Variants in CACNA1C observed in about 807,000 individuals in gnomAD.
CACNA1C encodes calcium voltage-gated channel subunit alpha1 C, also known as voltage-dependent L-type calcium channel subunit alpha-1C.
A neutral mutation model predicts 229.0 loss-of-function variants in CACNA1C; 30 were observed. The observed-to-expected ratio is 0.13, with a 90% CI of 0.10 to 0.18. The LOEUF (loss-of-function observed/expected upper bound fraction) is 0.18, where lower values mean the gene tolerates loss of function less well. Ranked by LOEUF, CACNA1C falls within the 10% of genes least tolerant of loss-of-function variation. The pLI is 1.00. For missense variants in CACNA1C, 1,658 were observed against 2,845.0 expected, an observed-to-expected ratio of 0.58 and a Z score of 9.49; for synonymous variants, 1,114 against 1,132.5, an observed-to-expected ratio of 0.98 and a Z score of 0.33.
At chr12:2,128,411 T>C (rs764508731) in intron 3 of CACNA1C, among the ~76,000 whole-genome samples, 74 of 152,046 alleles carry the variant, frequency 4.9e-4, no homozygotes, top group Non-Finnish European at 9.6e-4. Flanking sequence ...AAATACATTA[T>C]TTTTTTACCT....
intron 5 of CACNA1C, among the ~76,000 whole-genome samples, chr12:2,460,174 T>C (rs976571578): frequency 6.6e-6 from 1 of 152,192 alleles, no homozygotes; most frequent in Non-Finnish European, 1.5e-5. Context: ...GTGGTTGTCA[T>C]GGCTGGGGGA....
rs964820741 is a variant in CACNA1C at position 2,678,702 on chromosome 12, G to A, written c.5092-742G>A. Among the ~76,000 whole-genome samples the A allele has an allele frequency of 3.9e-5, 6 of 152,146 alleles. No individual in the cohort carries two copies. Among genetic ancestry groups the A allele is most frequent in the Admixed American group, 6.5e-5 (1 of 15,272 alleles). ...TTATTCTTGTCACTGGGAGACATTCGTCACTGAGTGGCCTCAGGGACATGG... is the reference window on the plus strand; with the variant it reads ...TTATTCTTGTCACTGGGAGACATTCATCACTGAGTGGCCTCAGGGACATGG... On this transcript the variant is annotated intron_variant, in intron 41 of 46. Transcript: ENST00000399655. The surrounding 1 kb of genome is among the most constrained non-coding windows in gnomAD (Gnocchi z 4.1).
intron 3 of CACNA1C, among the ~76,000 whole-genome samples, chr12:2,361,226 G>A (rs1435842618): frequency 6.6e-6 from 1 of 150,902 alleles, no homozygotes; most frequent in Non-Finnish European, 1.5e-5. Context: ...TTTTGGACCA[G>A]CCACACCCTG....
At chr12:2,155,424 G>T (rs2095507407) in intron 3 of CACNA1C, among the ~76,000 whole-genome samples, 1 of 152,006 alleles carries the variant, frequency 6.6e-6, no homozygotes, top group African/African-American at 2.4e-5. Flanking sequence ...AAATAGAATT[G>T]CCCCAAAGGA....
chr12:2,544,160 A>C (rs987175332), intron 9 of CACNA1C, among the ~76,000 whole-genome samples: 8 of 152,148 alleles, frequency 5.3e-5, no homozygotes, highest in African/African-American at 1.7e-4. Context: ...AAAAAAAAAA[A>C]AAACCTGCCG....
intron 11 of CACNA1C, among the ~76,000 whole-genome samples, chr12:2,560,527 A>G (rs1162238904): frequency 6.6e-6 from 1 of 152,232 alleles, no homozygotes; most frequent in East Asian, 1.9e-4. Flanking sequence ...CTCACTGTTC[A>G]GAATAAATGT....
At chr12:2,492,650 A>T (rs1369757097) in intron 6 of CACNA1C, among the ~76,000 whole-genome samples, 4 of 152,260 alleles carry the variant, frequency 2.6e-5, no homozygotes, top group Non-Finnish European at 2.9e-5. Context: ...CCTCTAATAC[A>T]TAGTGGACCC....
chr12:2,500,215 T>C (rs572154940), intron 7 of CACNA1C, among the ~76,000 whole-genome samples: 1 of 152,146 alleles, frequency 6.6e-6, no homozygotes, highest in Admixed American at 6.5e-5. Context: ...AGCAGCAGTG[T>C]GGGACGGCGA....
At chr12:2,667,285 C>CCATGGCCACTCTGT (rs1569148808) in intron 37 of CACNA1C, among the ~76,000 whole-genome samples, 2,045 of 127,446 alleles carry the variant, frequency 0.016, 64 homozygotes, top group African/African-American at 0.07. Flanking sequence ...GGCCACTCCA[C>CCATGGCCACTCTGT]GCTCCTTTTC....
chr12:2,388,881 A>T (rs2098440182), intron 3 of CACNA1C, among the ~76,000 whole-genome samples: 1 of 152,210 alleles, frequency 6.6e-6, no homozygotes, highest in South Asian at 2.1e-4. Context: ...GACATATCCG[A>T]GTGCAGTTGT....
chr12:2,101,189 C>T (rs2076286260), intron 1 of CACNA1C, among the ~76,000 whole-genome samples: 1 of 152,138 alleles, frequency 6.6e-6, no homozygotes, highest in South Asian at 2.1e-4. Context: ...CTAACCATTT[C>T]TCCAGTGACG....
chr12:2,177,644 C>A (rs2096709170), intron 3 of CACNA1C, among the ~76,000 whole-genome samples: 1 of 129,574 alleles, frequency 7.7e-6, no homozygotes, highest in Non-Finnish European at 1.6e-5. Context: ...CTCTTTCTTT[C>A]TTTCTTTCTT....
At chr12:2,458,981 C>CTTTTTTTTTTTTTTTTT (rs71057826) in intron 5 of CACNA1C, among the ~76,000 whole-genome samples, 1 of 105,598 alleles carries the variant, frequency 9.5e-6, no homozygotes, top group African/African-American at 3.6e-5. Context: ...CTTTTTCTTT[C>CTTTTTTTTTTTTTTTTT]TTTTTTTTTT....
chr12:2,277,362 G>GACACACACACACAC (rs59258094), intron 3 of CACNA1C, among the ~76,000 whole-genome samples: 3 of 72,152 alleles, frequency 4.2e-5, no homozygotes, highest in East Asian at 3.7e-4. Context: ...CAGACAGACA[G>GACACACACACACAC]ACACACACAC....
At chr12:2,265,355 G>A (rs1020855991) in intron 3 of CACNA1C, among the ~76,000 whole-genome samples, 5 of 152,196 alleles carry the variant, frequency 3.3e-5, no homozygotes, top group African/African-American at 1.2e-4. Flanking sequence ...ACAAAACTTA[G>A]GCCTGGGTCT....
At chr12:2,040,793 A>G (rs1161967822) in intron 1 of CACNA1C, among the ~76,000 whole-genome samples, 1 of 152,214 alleles carries the variant, frequency 6.6e-6, no homozygotes, top group Non-Finnish European at 1.5e-5. Flanking sequence ...CTATGTCTAT[A>G]CTTTTCCTTG....
intron 3 of CACNA1C, among the ~76,000 whole-genome samples, chr12:2,406,206 C>T (rs1285145825): frequency 1.3e-5 from 2 of 152,164 alleles, no homozygotes; most frequent in African/African-American, 2.4e-5. Context: ...CTTTGGTTTT[C>T]AAGGGTTTGA....
Position 2,181,621 on chromosome 12 carries a change from C to T in CACNA1C, c.477+61191C>T, listed in dbSNP as rs576473979. On this transcript the variant is annotated intron_variant, in intron 3 of 46. Transcript: ENST00000399655. The surrounding 1 kb of genome is among the most constrained non-coding windows in gnomAD (Gnocchi z 4.0). Reference sequence around the variant, plus strand: ...ATGACACAATTCCATGCTGCACCCACAGAATAGTGAGTAGTGTGTAGGCCA... The same window carrying T: ...ATGACACAATTCCATGCTGCACCCATAGAATAGTGAGTAGTGTGTAGGCCA... 1.3e-5 allele frequency among the ~76,000 whole-genome samples: 2 copies of T among 152,072 alleles called. No homozygotes were observed. The highest frequency in any genetic ancestry group is 4.8e-5 in the African/African-American group (2 of 41,390).
At chr12:2,220,548 T>C (rs2061204751) in intron 3 of CACNA1C, 3 of 152,248 alleles carry the variant, frequency 2.0e-5, no homozygotes, top group Admixed American at 1.3e-4. Flanking sequence ...TTCTCCTAGA[T>C]CAGTCTGATG....
Sources: gnomAD v4.1 joint callset for allele counts (sites outside exome capture counted in the v4.1 genomes callset) on GRCh38, gnomAD v4.1.1 for gene constraint, Gnocchi (gnomAD v3.1) non-coding constraint, MANE v1.5 for transcripts, NCBI Gene and HGNC (gene_info 2026-07-23, HGNC 2026-07-21) for gene names.